Variants in CREB3L2 observed in about 807,000 individuals in gnomAD.
The protein encoded by CREB3L2 is cAMP responsive element binding protein 3 like 2.
CREB3L2 carries 23 observed loss-of-function variants against 57.2 expected under a neutral mutation model. The ratio of observed to expected loss-of-function variants is 0.40; its 90% CI spans 0.29 to 0.57. CREB3L2 has a LOEUF of 0.57. Among genes scored for constraint, CREB3L2 ranks in the 20% least tolerant of loss-of-function variants. The pLI is 0.42. For missense variants in CREB3L2, 628 were observed against 634.7 expected (o/e 0.99, Z 0.11); for synonymous variants, 268 against 265.1 (o/e 1.01, Z -0.11).
At chr7:137,924,009 G>A (rs572186474) in intron 2 of CREB3L2, among the ~76,000 whole-genome samples, 3 of 152,160 alleles carry the variant, frequency 2.0e-5, no homozygotes, top group South Asian at 2.1e-4. Flanking sequence ...AGCAATATCC[G>A]CTCACCTTTA....
chr7:137,905,843 C>A lies in CREB3L2; in HGVS notation c.774G>T (p.Leu258=), dbSNP rs762232803. The change falls in exon 6 of 12, where the codon CTG becomes CTT. Residue 258 remains leucine (L), a synonymous_variant. Coordinates refer to ENST00000330387, the MANE Select transcript of CREB3L2 (RefSeq NM_194071.4). ...TCAGGACCAGAGGGCCTGATCCCTG[C>A]AGTTTCTGTGCAGACCAAGGAGCAG... ...SSPLLTAPHK[L]QGSGPLVLTE... 1.2e-6 allele frequency: 2 copies of A among 1,610,284 alleles called. No individual in the cohort carries two copies. Among genetic ancestry groups the A allele is most frequent in the Non-Finnish European group, 1.7e-6 (2 of 1,178,512 alleles).
intron 1 of CREB3L2, among the ~76,000 whole-genome samples, chr7:137,952,555 T>C (rs1056286565): frequency 4.6e-5 from 7 of 152,218 alleles, no homozygotes; most frequent in African/African-American, 1.7e-4. Flanking sequence ...TTCCAGTTTT[T>C]ATGATCTGGC....
At chr7:137,994,485 G>C (rs1801951185) in intron 1 of CREB3L2, among the ~76,000 whole-genome samples, 1 of 152,210 alleles carries the variant, frequency 6.6e-6, no homozygotes, top group Non-Finnish European at 1.5e-5. Context: ...CAAGAGTCCA[G>C]ATAATACAGT....
chr7:137,990,705 G>A (rs755057426), intron 1 of CREB3L2, among the ~76,000 whole-genome samples: 1 of 152,178 alleles, frequency 6.6e-6, no homozygotes, highest in African/African-American at 2.4e-5. Context: ...TGGCCACTGA[G>A]AAAGCATTTT....
At chr7:137,923,160 T>C (rs948246766) in intron 2 of CREB3L2, among the ~76,000 whole-genome samples, 6 of 152,212 alleles carry the variant, frequency 3.9e-5, no homozygotes, top group Non-Finnish European at 7.3e-5. Context: ...AAGTTATGAC[T>C]CTCATGTATG....
At chr7:137,963,286 T>A (rs1269256125) in intron 1 of CREB3L2, among the ~76,000 whole-genome samples, 6 of 152,236 alleles carry the variant, frequency 3.9e-5, no homozygotes. Context: ...TCCCACTTAG[T>A]CAGCACTGCT....
chr7:137,959,660 T>C (rs942078385), intron 1 of CREB3L2, among the ~76,000 whole-genome samples: 1 of 152,226 alleles, frequency 6.6e-6, no homozygotes, highest in African/African-American at 2.4e-5. Flanking sequence ...TGAAAAGACA[T>C]TCAACTCTGT....
In CREB3L2 at chr7:137,970,593, G is replaced by T. The variant is rs140052592; in HGVS notation, c.102+31011C>A. Among the ~76,000 whole-genome samples the T allele has an allele frequency of 7.8e-3, 1,189 of 151,894 alleles. 20 individuals are homozygous for T. Among genetic ancestry groups the T allele is most frequent in the African/African-American group, 0.028 (1,142 of 41,314 alleles). On this transcript the variant is annotated intron_variant, in intron 1 of 11. Coordinates refer to ENST00000330387, the MANE Select transcript of CREB3L2 (RefSeq NM_194071.4). ...CGATAAGCCGGACAGTTCACAGAAGGGGGTGGGTGGGGTGGGCAGGATCCA... is the reference window on the plus strand; with the variant it reads ...CGATAAGCCGGACAGTTCACAGAAGTGGGTGGGTGGGGTGGGCAGGATCCA...
At chr7:137,945,630 A>G (rs556933969) in intron 1 of CREB3L2, among the ~76,000 whole-genome samples, 1 of 152,356 alleles carries the variant, frequency 6.6e-6, no homozygotes, top group East Asian at 1.9e-4. Context: ...GACACTTTAA[A>G]TGTTACATAG....
intron 1 of CREB3L2, among the ~76,000 whole-genome samples, chr7:137,974,503 AG>A (rs1371222009): frequency 6.6e-6 from 1 of 152,214 alleles, no homozygotes; most frequent in African/African-American, 2.4e-5. Flanking sequence ...GTCAGGGAAG[AG>A]ATCAGATGTC....
At chr7:137,946,054 A>T (rs1057471413) in intron 1 of CREB3L2, among the ~76,000 whole-genome samples, 9 of 152,170 alleles carry the variant, frequency 5.9e-5, no homozygotes. Context: ...GCTTTTATGC[A>T]AAGAATAAAC....
intron 1 of CREB3L2, among the ~76,000 whole-genome samples, chr7:137,964,705 T>C (rs1283865214): frequency 1.3e-5 from 2 of 152,232 alleles, no homozygotes; most frequent in African/African-American, 4.8e-5. Context: ...TTTCAAATTA[T>C]AGAGAGTCAT....
intron 1 of CREB3L2, among the ~76,000 whole-genome samples, chr7:138,000,454 AT>A (rs1476972312): frequency 6.6e-6 from 1 of 151,830 alleles, no homozygotes; most frequent in Admixed American, 6.6e-5. Flanking sequence ...TGCACTCTGC[AT>A]TTTTTTTAAA....
intron 5 of CREB3L2, among the ~76,000 whole-genome samples, chr7:137,907,346 T>C (rs1799913803): frequency 6.6e-6 from 1 of 152,194 alleles, no homozygotes; most frequent in South Asian, 2.1e-4. Flanking sequence ...CAGATCATAG[T>C]AGTACACACA....
intron 1 of CREB3L2, among the ~76,000 whole-genome samples, chr7:137,965,329 A>C (rs1475067798): frequency 6.6e-6 from 1 of 152,136 alleles, no homozygotes; most frequent in East Asian, 1.9e-4. Flanking sequence ...ATGCGCACAA[A>C]TATATTTACA....
chr7:137,951,591 A>C (rs542175018), intron 1 of CREB3L2, among the ~76,000 whole-genome samples: 1 of 152,366 alleles, frequency 6.6e-6, no homozygotes, highest in African/African-American at 2.4e-5. Flanking sequence ...TAAGTATGGT[A>C]TATAAGCTCA....
rs376364294 is a variant in CREB3L2, at chr7:137,942,363, C to T, written c.103-13997G>A. On this transcript the variant is annotated intron_variant, in intron 1 of 11. Transcript: ENST00000330387. ...CCCTCTAAATCCTTCTGCCCTCAGG[C>T]GGATCTCCCCTGTCATTGAGCCACA... Among the ~76,000 whole-genome samples, 92 of 152,292 alleles carry T rather than the reference C, an allele frequency of 6.0e-4. 1 individual carries two copies. Among genetic ancestry groups the T allele is most frequent in the African/African-American group, 2.2e-3 (91 of 41,558 alleles).
intron 1 of CREB3L2, chr7:137,935,879 G>T: frequency 3.1e-6 from 1 of 318,464 alleles, no homozygotes; most frequent in Non-Finnish European, 4.5e-6. Flanking sequence ...CCTCGGCTCT[G>T]AAGCATTTAC....
At chr7:137,965,498 T>C (rs1801394022) in intron 1 of CREB3L2, among the ~76,000 whole-genome samples, 1 of 152,216 alleles carries the variant, frequency 6.6e-6, no homozygotes, top group Non-Finnish European at 1.5e-5. Context: ...ATATTGTTAA[T>C]ATTAAAATGT....
Sources: gnomAD v4.1 joint callset for allele counts (sites outside exome capture counted in the v4.1 genomes callset) on GRCh38, gnomAD v4.1.1 for gene constraint, MANE v1.5 for transcripts, NCBI Gene and HGNC (gene_info 2026-07-23, HGNC 2026-07-21) for gene names.